Variants in PLCL1 observed in about 807,000 individuals in gnomAD.
PLCL1 encodes inactive phospholipase C-like protein 1.
PLCL1 carries 41 observed loss-of-function variants against 84.4 expected under a neutral mutation model. The observed-to-expected ratio is 0.49, with a 90% CI of 0.38 to 0.63. PLCL1 has a LOEUF of 0.63. Ranked by LOEUF, PLCL1 falls within the 30% of genes least tolerant of loss-of-function variation. The pLI is 0.00. For synonymous variants in PLCL1, 490 were observed against 488.3 expected (o/e 1.00, Z -0.05); for missense variants, 1,206 against 1,367.8 (o/e 0.88, Z 1.87).
At chr2:197,899,474 G>C (rs1324956388) in intron 1 of PLCL1, among the ~76,000 whole-genome samples, 4 of 151,962 alleles carry the variant, frequency 2.6e-5, no homozygotes, top group African/African-American at 9.7e-5. Flanking sequence ...TTTCTATTTG[G>C]AAAGTAATTT....
intron 1 of PLCL1, among the ~76,000 whole-genome samples, chr2:197,969,000 C>G (rs1689803645): frequency 1.3e-5 from 2 of 152,288 alleles, no homozygotes; most frequent in Middle Eastern, 3.4e-3. Context: ...AACACTATCG[C>G]CTGAGCAGTC....
rs181530679 is a variant in PLCL1, at chr2:197,846,381, C to T, written c.240+41042C>T. Among the ~76,000 whole-genome samples, 661 of 152,168 alleles carry T rather than the reference C, an allele frequency of 4.3e-3. 6 individuals carry two copies. The highest frequency in any genetic ancestry group is 5.8e-3 in the Non-Finnish European group (395 of 67,988). On this transcript the variant is annotated intron_variant, in intron 1 of 5. Transcript: ENST00000428675. ...TTAGGAGGCTCTGTATAGAGAACAA[C>T]TAGCCAAACCCTGAGGGAATGTTAA...
At chr2:198,013,231 A>C (rs1238766530) in intron 1 of PLCL1, among the ~76,000 whole-genome samples, 1 of 151,924 alleles carries the variant, frequency 6.6e-6, no homozygotes, top group Non-Finnish European at 1.5e-5. Context: ...TTTTAAGTTC[A>C]TATTTTTGTG....
chr2:197,878,907 C>T (rs1687782546), intron 1 of PLCL1, among the ~76,000 whole-genome samples: 1 of 152,154 alleles, frequency 6.6e-6, no homozygotes, highest in Non-Finnish European at 1.5e-5. Flanking sequence ...TTTATTTGGC[C>T]CATGCAGTGC....
rs114616271 is a variant in PLCL1 at position 198,123,458 on chromosome 2, C to A, written c.3105+19522C>A. Among the ~76,000 whole-genome samples, 617 of 151,924 alleles carry A rather than the reference C, an allele frequency of 4.1e-3. 1 individual carries two copies. Among genetic ancestry groups the A allele is most frequent in the Non-Finnish European group, 7.2e-3 (491 of 67,952 alleles). On this transcript the variant is annotated intron_variant, in intron 5 of 5. Coordinates refer to ENST00000428675, the MANE Select transcript of PLCL1 (RefSeq NM_006226.4). ...GGTAATTGGTGGGGCGGGGGATAAT[C>A]CAATATGATGGGTGTCATTATAAGA...
intron 1 of PLCL1, among the ~76,000 whole-genome samples, chr2:197,831,757 C>T (rs1051151853): frequency 2.6e-5 from 4 of 152,050 alleles, no homozygotes; most frequent in Non-Finnish European, 4.4e-5. Context: ...TAAATTTGCC[C>T]ACATAATTGG....
chr2:197,912,124 T>C (rs893565237), intron 1 of PLCL1, among the ~76,000 whole-genome samples: 1 of 152,288 alleles, frequency 6.6e-6, no homozygotes, highest in East Asian at 1.9e-4. Flanking sequence ...AAGAAGGTGC[T>C]GTCTGGAATC....
At chr2:197,964,445 T>C (rs1559058122) in intron 1 of PLCL1, among the ~76,000 whole-genome samples, 1 of 152,186 alleles carries the variant, frequency 6.6e-6, no homozygotes. Flanking sequence ...TGTATGTTGA[T>C]TTTGTATCCT....
intron 1 of PLCL1, among the ~76,000 whole-genome samples, chr2:197,857,504 C>G (rs1479524574): frequency 1.3e-5 from 2 of 152,142 alleles, no homozygotes; most frequent in Non-Finnish European, 2.9e-5. Context: ...AACAAATAAT[C>G]AGCTGATTGT....
At chr2:197,903,126 G>A (rs1688300000) in intron 1 of PLCL1, among the ~76,000 whole-genome samples, 2 of 152,022 alleles carry the variant, frequency 1.3e-5, no homozygotes, top group African/African-American at 4.8e-5. Flanking sequence ...TGTTAGTTAG[G>A]CGAAACCACG....
In PLCL1 at chr2:198,085,526, A is replaced by G. The variant is rs370501125; in HGVS notation, c.2009A>G (p.Asn670Ser). 6.2e-7 allele frequency: 1 copy of G among 1,613,976 alleles called. No individual in the cohort carries two copies. The highest frequency in any genetic ancestry group is 1.1e-5 in the South Asian group (1 of 91,082). ...WNCGCQIVAM[N>S]FQTPGPMMDL... ...TGTGGCTGTCAGATTGTAGCAATGA[A>G]TTTTCAGACTCCGGGTCCAATGATG... Residue 670 changes from asparagine to serine, a missense_variant, in exon 2 of 6, where the codon AAT becomes AGT. Coordinates refer to ENST00000428675, the MANE Select transcript of PLCL1 (RefSeq NM_006226.4). The surrounding 1 kb of genome is among the most constrained non-coding windows in gnomAD (Gnocchi z 5.3).
chr2:197,864,913 T>A (rs1474974151), intron 1 of PLCL1, among the ~76,000 whole-genome samples: 1 of 152,210 alleles, frequency 6.6e-6, no homozygotes, highest in Non-Finnish European at 1.5e-5. Flanking sequence ...ATTTTCCAAA[T>A]GACTTGAATG....
intron 1 of PLCL1, among the ~76,000 whole-genome samples, chr2:198,062,440 C>T (rs1692225999): frequency 6.6e-6 from 1 of 152,122 alleles, no homozygotes; most frequent in South Asian, 2.1e-4. Flanking sequence ...ATTATATATA[C>T]TTCTCTAGAA....
intron 2 of PLCL1, among the ~76,000 whole-genome samples, chr2:198,088,502 G>T (rs1692940791): frequency 6.6e-6 from 1 of 152,164 alleles, no homozygotes; most frequent in South Asian, 2.1e-4. Context: ...GTAGCATCCT[G>T]CTACCTTGAG....
intron 1 of PLCL1, among the ~76,000 whole-genome samples, chr2:197,820,113 G>T (rs748570930): frequency 6.6e-6 from 1 of 152,102 alleles, no homozygotes; most frequent in Non-Finnish European, 1.5e-5. Flanking sequence ...CGTTTATTGA[G>T]TTAGGTGCAT....
chr2:197,927,125 C>G (rs1410071002), intron 1 of PLCL1, among the ~76,000 whole-genome samples: 2 of 152,188 alleles, frequency 1.3e-5, no homozygotes, highest in Non-Finnish European at 2.9e-5. Context: ...ATCTTAACCA[C>G]TTTCTATTGA....
rs1445224838 is a variant in PLCL1, at chr2:197,909,865, C to T, written c.240+104526C>T. ...TCTGGCTTTGCAGGTACTGTGACCT[C>T]CAGGCATCAGTGTAGGGAAATGGGA... On this transcript the variant is annotated intron_variant, in intron 1 of 5. Transcript: ENST00000428675. Among the ~76,000 whole-genome samples the T allele has an allele frequency of 3.9e-5, 6 of 152,182 alleles. No individual in the cohort carries two copies. The South Asian group carries it at 6.2e-4, about 16-fold the overall frequency.
At chr2:198,145,352 C>T (rs190572875) in intron 5 of PLCL1, among the ~76,000 whole-genome samples, 2 of 152,280 alleles carry the variant, frequency 1.3e-5, no homozygotes, top group Non-Finnish European at 2.9e-5. Context: ...GCTCTAATCT[C>T]TAGTCTTTAG....
At chr2:197,855,277 G>C (rs1243204220) in intron 1 of PLCL1, among the ~76,000 whole-genome samples, 4 of 152,046 alleles carry the variant, frequency 2.6e-5, no homozygotes, top group African/African-American at 9.7e-5. Flanking sequence ...CTTCATTTTA[G>C]CTTTGCCCTT....
Sources: allele counts gnomAD v4.1 joint callset (sites outside exome capture counted in the v4.1 genomes callset), GRCh38; gene constraint gnomAD v4.1.1; non-coding constraint Gnocchi (gnomAD v3.1); transcripts MANE v1.5; gene names NCBI Gene and HGNC (gene_info 2026-07-23, HGNC 2026-07-21).